GLIS3: variants seen among roughly 807,000 people sequenced by gnomAD.
GLIS3 encodes GLIS family zinc finger 3.
Under a neutral mutation model 78.6 loss-of-function variants are expected in GLIS3, and 53 were observed. That is an observed-to-expected ratio of 0.67 (90% CI 0.54 to 0.85). The LOEUF (loss-of-function observed/expected upper bound fraction) is 0.85, where lower values mean the gene tolerates loss of function less well. GLIS3 is among the 40% of genes least tolerant of loss of function. The probability of loss-of-function intolerance (pLI) is 0.00; values close to 1 mark genes in which losing one functional copy is unlikely to be tolerated. For missense variants in GLIS3, 1,703 were observed against 1,231.1 expected (o/e 1.38, Z -5.74); for synonymous variants, 684 against 509.9 (o/e 1.34, Z -4.60).
chr9:4,173,841 T>C (rs1816589377), intron 2 of GLIS3, among the ~76,000 whole-genome samples: 1 of 152,056 alleles, frequency 6.6e-6, no homozygotes, highest in African/African-American at 2.4e-5. Context: ...GGAAAATCTT[T>C]TCTTCAAATG....
rs540420649 is a variant in GLIS3, at chr9:3,998,702, C to T, written c.1711-61513G>A. The stretch of plus-strand genomic sequence containing the variant: ...AGTTAGAATTCTTTTCTTTCTGTTT[C>T]CATTCAGTTTTAAGGTTTACTACTT... On this transcript the variant is annotated intron_variant, in intron 4 of 10. Transcript: ENST00000381971. Among the ~76,000 whole-genome samples, 609 of 149,962 alleles carry T rather than the reference C, an allele frequency of 4.1e-3. 2 individuals are homozygous for T. Among genetic ancestry groups the T allele is most frequent in the Non-Finnish European group, 6.3e-3 (425 of 67,298 alleles).
At chr9:4,260,909 G>C (rs753450418) in intron 2 of GLIS3, among the ~76,000 whole-genome samples, 26 of 152,118 alleles carry the variant, frequency 1.7e-4, no homozygotes, top group Admixed American at 1.3e-4. Context: ...AGCATATGTA[G>C]CTACTGAGCA....
intron 2 of GLIS3, among the ~76,000 whole-genome samples, chr9:4,132,513 G>A (rs1375353546): frequency 6.6e-6 from 1 of 152,172 alleles, no homozygotes; most frequent in Non-Finnish European, 1.5e-5. Flanking sequence ...GAACAAGAAT[G>A]AAATATATCT....
At chr9:4,096,009 CAAAA>C (rs34499061) in intron 4 of GLIS3, among the ~76,000 whole-genome samples, 23 of 103,500 alleles carry the variant, frequency 2.2e-4, no homozygotes, top group Non-Finnish European at 4.0e-4. Flanking sequence ...GTAACCTATA[CAAAA>C]AAAAAAAAAA....
At chr9:3,888,314 T>G (rs1822213100) in intron 7 of GLIS3, among the ~76,000 whole-genome samples, 1 of 152,234 alleles carries the variant, frequency 6.6e-6, no homozygotes, top group Non-Finnish European at 1.5e-5. Context: ...CTGTACCATG[T>G]TGACCACAAA....
At chr9:4,291,172 T>C (rs1815942791) in intron 1 of GLIS3, among the ~76,000 whole-genome samples, 2 of 152,120 alleles carry the variant, frequency 1.3e-5, no homozygotes, top group Admixed American at 6.5e-5. Context: ...AATATGAATA[T>C]ATTTATTCTG....
At chr9:4,297,527 A>G (rs1170903583) in intron 1 of GLIS3, among the ~76,000 whole-genome samples, 5 of 151,918 alleles carry the variant, frequency 3.3e-5, no homozygotes, top group African/African-American at 1.2e-4. Context: ...TGGGGCCCCA[A>G]CTCTCGGGAG....
intron 2 of GLIS3, among the ~76,000 whole-genome samples, chr9:4,318,911 T>C (rs906839616): frequency 1.3e-5 from 2 of 152,224 alleles, no homozygotes; most frequent in African/African-American, 4.8e-5. Flanking sequence ...TGACATCATG[T>C]GCCTCCCGGA....
chr9:4,069,615 T>A (rs2027395), intron 4 of GLIS3, among the ~76,000 whole-genome samples: 48,197 of 151,908 alleles, frequency 0.32, 7,935 homozygotes, highest in East Asian at 0.39. Context: ...GTTTCTTTTT[T>A]TCAACTGCAT....
At chr9:3,868,637 T>C (rs769290181) in intron 8 of GLIS3, among the ~76,000 whole-genome samples, 3 of 152,198 alleles carry the variant, frequency 2.0e-5, no homozygotes, top group Non-Finnish European at 2.9e-5. Context: ...TGTGGGTGGA[T>C]AACAGACTAG....
intron 2 of GLIS3, among the ~76,000 whole-genome samples, chr9:4,163,391 A>C (rs1030001712): frequency 2.0e-5 from 3 of 152,192 alleles, no homozygotes; most frequent in African/African-American, 7.2e-5. Context: ...TTAACATAAC[A>C]ATTTCATTTT....
intron 7 of GLIS3, 96 bp from the exon 8 acceptor site, chr9:3,879,691 T>C: frequency 7.5e-7 from 1 of 1,340,912 alleles, no homozygotes; most frequent in South Asian, 1.3e-5. Context: ...TTGAGGGGCT[T>C]GCTTGTTTTT....
chr9:4,117,545 T>C (rs920507702), intron 4 of GLIS3, among the ~76,000 whole-genome samples: 1 of 152,214 alleles, frequency 6.6e-6, no homozygotes, highest in Non-Finnish European at 1.5e-5. Context: ...ACTGATCACC[T>C]GCTGGGATGG....
intron 8 of GLIS3, among the ~76,000 whole-genome samples, chr9:3,870,291 CA>C (rs1820888765): frequency 6.6e-6 from 1 of 151,982 alleles, no homozygotes; most frequent in Admixed American, 6.5e-5. Flanking sequence ...AATTCAATAC[CA>C]GAAAGAACTT....
chr9:4,135,851 T>C (rs1213073264), intron 2 of GLIS3, among the ~76,000 whole-genome samples: 1 of 152,194 alleles, frequency 6.6e-6, no homozygotes, highest in Non-Finnish European at 1.5e-5. Flanking sequence ...CTTTCATGAA[T>C]ACTCCTCCTT....
chr9:4,363,650 C>G, the GLIS3 span, among the ~76,000 whole-genome samples: 2 of 152,306 alleles, frequency 1.3e-5, no homozygotes, highest in African/African-American at 4.8e-5. Flanking sequence ...GCATCCAGAA[C>G]TGGATTCTCT....
chr9:4,209,758 C>T (rs1486077977), intron 2 of GLIS3, among the ~76,000 whole-genome samples: 1 of 152,104 alleles, frequency 6.6e-6, no homozygotes, highest in African/African-American at 2.4e-5. Flanking sequence ...TTCTGTGCAT[C>T]TCTGGATGTT....
At chr9:4,368,673 G>T in the GLIS3 span, among the ~76,000 whole-genome samples, 1 of 152,140 alleles carries the variant, frequency 6.6e-6, no homozygotes, top group East Asian at 1.9e-4. Context: ...CTCTTCTTAA[G>T]CCAAGCACTG....
chr9:4,338,023 G>GGTGTGTGTGTGTGTGT (rs1563937879), intron 2 of GLIS3, among the ~76,000 whole-genome samples: 1 of 115,804 alleles, frequency 8.6e-6, no homozygotes, highest in African/African-American at 3.5e-5. Flanking sequence ...GATTGGCAAG[G>GGTGTGTGTGTGTGTGT]CTGTGTGTGT....
Sources: gnomAD v4.1 joint callset for allele counts (sites outside exome capture counted in the v4.1 genomes callset) on GRCh38, gnomAD v4.1.1 for gene constraint, MANE v1.5 for transcripts, NCBI Gene and HGNC (gene_info 2026-07-23, HGNC 2026-07-21) for gene names.